MCTP1: variants seen among roughly 807,000 people sequenced by gnomAD.
MCTP1 encodes multiple C2 and transmembrane domain-containing protein 1.
Under a neutral mutation model 120.6 loss-of-function variants are expected in MCTP1, and 69 were observed. That is an observed-to-expected ratio of 0.57 (90% CI 0.47 to 0.70). The LOEUF (loss-of-function observed/expected upper bound fraction) is 0.70, where lower values mean the gene tolerates loss of function less well. Ranked by LOEUF, MCTP1 falls within the 30% of genes least tolerant of loss-of-function variation. The pLI is 0.00. For missense variants in MCTP1, 1,203 were observed against 1,248.8 expected (o/e 0.96, Z 0.55); for synonymous variants, 529 against 493.1 (o/e 1.07, Z -0.96).
intron 19 of MCTP1, among the ~76,000 whole-genome samples, chr5:94,718,169 C>A (rs1176789965): frequency 1.3e-5 from 2 of 151,992 alleles, no homozygotes; most frequent in Non-Finnish European, 2.9e-5. Context: ...AACACACATA[C>A]ACCAACGGAA....
chr5:94,944,979 G>A (rs866678752), intron 3 of MCTP1, among the ~76,000 whole-genome samples: 7 of 152,218 alleles, frequency 4.6e-5, no homozygotes, highest in African/African-American at 1.4e-4. Context: ...ACAAGGTATT[G>A]TTGTTTCTAT....
intron 2 of MCTP1, among the ~76,000 whole-genome samples, chr5:94,987,154 A>ATGC (rs1830565785): frequency 6.6e-6 from 1 of 152,250 alleles, no homozygotes; most frequent in South Asian, 2.1e-4. Context: ...GCAGATGGGA[A>ATGC]AGGCTAACTG....
chr5:95,236,093 A>T (rs549157742), intron 1 of MCTP1, among the ~76,000 whole-genome samples: 1 of 152,338 alleles, frequency 6.6e-6, no homozygotes, highest in South Asian at 2.1e-4. Context: ...ACACGGTCAC[A>T]AAAATGGAAC....
At chr5:95,032,946 T>A (rs1356816237) in intron 1 of MCTP1, among the ~76,000 whole-genome samples, 3 of 151,862 alleles carry the variant, frequency 2.0e-5, no homozygotes, top group Non-Finnish European at 4.4e-5. Context: ...AATACAAAAG[T>A]TCCTCAGAGA....
At position 94,953,139 on chromosome 5, in the gene MCTP1, G is replaced by C. The variant is rs1038977270; in HGVS notation, c.981+80C>G. ...ACATCTCTGGTGAAAACTCTCATCA[G>C]ACAAAGAAACATGATAAAACCCAGT... On this transcript the variant is annotated intron_variant, in intron 3 of 22. Coordinates refer to ENST00000515393, the MANE Select transcript of MCTP1 (RefSeq NM_024717.7). 9.8e-6 allele frequency: 13 copies of C among 1,332,818 alleles called. No individual in the cohort carries two copies. In the African/African-American group the frequency reaches 1.8e-4, roughly 18 times the overall value. The allele number at this position is 1,332,818 out of a possible 1,614,324, so 82.6% of individuals were successfully genotyped here. A position where few individuals can be genotyped will look rare whatever the true frequency, so the allele number is the denominator to read the frequency against.
chr5:94,909,187 A>G, intron 10 of MCTP1, 64 bp downstream of exon 10: 1 of 1,547,078 alleles, frequency 6.5e-7, no homozygotes, highest in Non-Finnish European at 8.9e-7. Flanking sequence ...AACCAGGCTT[A>G]CAGCAAATAT....
chr5:95,080,936 T>A (rs1489422443), intron 1 of MCTP1, among the ~76,000 whole-genome samples: 1 of 152,186 alleles, frequency 6.6e-6, no homozygotes, highest in Admixed American at 6.5e-5. Flanking sequence ...GTCCAGAGGC[T>A]TTCACTAATT....
Position 95,047,811 on chromosome 5 carries a change from C to T in MCTP1, c.721-30327G>A, listed in dbSNP as rs749430005. The stretch of plus-strand genomic sequence containing the variant: ...CCTCTATTTTCCATCCATCTACACA[C>T]CCACCCACTCACCATTAGAGTTTCT... On this transcript the variant is annotated intron_variant, in intron 1 of 22. Transcript: ENST00000515393. Among the ~76,000 whole-genome samples the T allele has an allele frequency of 1.3e-3, 193 of 152,168 alleles. 1 individual carries two copies. Among genetic ancestry groups the T allele is most frequent in the Non-Finnish European group, 2.0e-3 (137 of 67,994 alleles).
At chr5:95,044,626 T>C (rs950896001) in intron 1 of MCTP1, among the ~76,000 whole-genome samples, 5 of 152,036 alleles carry the variant, frequency 3.3e-5, no homozygotes, top group African/African-American at 1.2e-4. Flanking sequence ...TGCCCCCACA[T>C]CTGTTTCCAC....
At chr5:95,225,064 A>AT (rs561609244) in intron 1 of MCTP1, among the ~76,000 whole-genome samples, 3 of 151,992 alleles carry the variant, frequency 2.0e-5, no homozygotes, top group East Asian at 1.9e-4. Context: ...AACCACAGAG[A>AT]TTTTTTTTCT....
At chr5:94,778,216 A>G (rs553391439) in intron 19 of MCTP1, among the ~76,000 whole-genome samples, 2 of 152,228 alleles carry the variant, frequency 1.3e-5, no homozygotes, top group South Asian at 2.1e-4. Flanking sequence ...TTACTACAAT[A>G]TAAGTCAGAT....
chr5:95,074,441 G>A (rs1322256299), intron 1 of MCTP1, among the ~76,000 whole-genome samples: 3 of 152,240 alleles, frequency 2.0e-5, no homozygotes, highest in Non-Finnish European at 4.4e-5. Flanking sequence ...AATAGTTATA[G>A]AGTATTGTTT....
intron 1 of MCTP1, among the ~76,000 whole-genome samples, chr5:95,033,305 G>A (rs898938755): frequency 2.6e-5 from 4 of 151,980 alleles, no homozygotes; most frequent in Non-Finnish European, 4.4e-5. Flanking sequence ...TAGCCCTAAT[G>A]AACATAGACA....
chr5:94,709,619 A>G (rs1487480898), intron 21 of MCTP1: 1 of 152,168 alleles, frequency 6.6e-6, no homozygotes, highest in Non-Finnish European at 1.5e-5. Flanking sequence ...CATCTGTTTT[A>G]ACTATCAGGA....
intron 1 of MCTP1, among the ~76,000 whole-genome samples, chr5:95,223,985 T>C (rs1753976972): frequency 6.6e-6 from 1 of 152,218 alleles, no homozygotes; most frequent in South Asian, 2.1e-4. Context: ...AATGAGGCTA[T>C]TTGAAAAACA....
At chr5:95,149,323 A>C (rs1432427018) in intron 1 of MCTP1, among the ~76,000 whole-genome samples, 1 of 152,164 alleles carries the variant, frequency 6.6e-6, no homozygotes, top group East Asian at 1.9e-4. Context: ...TCAGTATTAT[A>C]AGAGTAGGGG....
At chr5:95,269,457 A>G (rs1324778198) in intron 1 of MCTP1, among the ~76,000 whole-genome samples, 2 of 152,232 alleles carry the variant, frequency 1.3e-5, no homozygotes, top group African/African-American at 4.8e-5. Context: ...ATCTGAAAAT[A>G]TTCACTTATG....
At chr5:94,828,209 C>G (rs1009195095) in intron 17 of MCTP1, among the ~76,000 whole-genome samples, 1 of 152,198 alleles carries the variant, frequency 6.6e-6, no homozygotes, top group Non-Finnish European at 1.5e-5. Context: ...TTCTAACAGT[C>G]AGGCTCCTCT....
chr5:95,216,301 T>C (rs901639153), intron 1 of MCTP1, among the ~76,000 whole-genome samples: 2 of 152,210 alleles, frequency 1.3e-5, no homozygotes, highest in African/African-American at 4.8e-5. Context: ...GACACTGTTA[T>C]GTTGCCAGGA....
Sources: allele counts gnomAD v4.1 joint callset (sites outside exome capture counted in the v4.1 genomes callset), GRCh38; gene constraint gnomAD v4.1.1; transcripts MANE v1.5; gene names NCBI Gene and HGNC (gene_info 2026-07-23, HGNC 2026-07-21).